Variants in AKAP6 observed in about 807,000 individuals in gnomAD.
AKAP6 encodes the protein A-kinase anchoring protein 6.
A neutral mutation model predicts 188.5 loss-of-function variants in AKAP6; 58 were observed. The ratio of observed to expected loss-of-function variants is 0.31; its 90% CI spans 0.25 to 0.38. AKAP6 has a LOEUF of 0.38. Among genes scored for constraint, AKAP6 ranks in the 10% least tolerant of loss-of-function variants. The pLI, the probability that AKAP6 is intolerant of heterozygous loss-of-function variation, is 1.00. For synonymous variants in AKAP6, 989 were observed against 998.6 expected, an observed-to-expected ratio of 0.99 and a Z score of 0.18; for missense variants, 2,710 against 2,740.0, an observed-to-expected ratio of 0.99 and a Z score of 0.24.
At position 32,527,639 on chromosome 14, in the gene AKAP6, GTAATGGTATCTCATTGTTT is replaced by G. The variant is rs1306514245; in HGVS notation, c.325-7891_325-7873del. On this transcript the variant is annotated intron_variant, in intron 2 of 13. Coordinates refer to ENST00000280979, the MANE Select transcript of AKAP6 (RefSeq NM_004274.5). Reference sequence around the variant, plus strand: ...GAATTTTGGCCATTCTAATGATTATGTAATGGTATCTCATTGTTTTAATGGTATCTCATTGTTTTAATTT... The same window carrying G: ...GAATTTTGGCCATTCTAATGATTATGTAATGGTATCTCATTGTTTTAATTT... Among the ~76,000 whole-genome samples, 5 of 152,284 alleles carry G rather than the reference GTAATGGTATCTCATTGTTT, an allele frequency of 3.3e-5. No individual in the cohort carries two copies. In the East Asian group the frequency reaches 5.8e-4, roughly 18 times the overall value.
Position 32,822,764 on chromosome 14 carries a change from A to G in AKAP6, c.4951A>G (p.Lys1651Glu). 6.2e-7 allele frequency: 1 copy of G among 1,613,924 alleles called. No individual in the cohort carries two copies. Among genetic ancestry groups the G allele is most frequent in the Non-Finnish European group, 8.5e-7 (1 of 1,179,908 alleles). ...NIQSPSEQKI[K>E]RSVSDITLQS... The stretch of plus-strand genomic sequence containing the variant: ...CCAGAGCCCCTCAGAGCAAAAGATA[A>G]AACGAAGTGTTTCTGATATCACTCT... Residue 1651 changes from lysine to glutamate, a missense_variant, in exon 13 of 14, where the codon AAA becomes GAA. Transcript: ENST00000280979.
rs147003501 is a variant in AKAP6 at position 32,513,762 on chromosome 14, C to T, written c.325-21792C>T. ...AGTACAATAAAAATCATTTGTAATG[C>T]TGCCACCTAGAGAAAATACTATGAA... On this transcript the variant is annotated intron_variant, in intron 2 of 13. Coordinates refer to ENST00000280979, the MANE Select transcript of AKAP6 (RefSeq NM_004274.5). Among the ~76,000 whole-genome samples, 10 of 152,174 alleles carry T rather than the reference C, an allele frequency of 6.6e-5. 1 individual carries two copies. In the East Asian group the frequency reaches 1.9e-3, roughly 29 times the overall value.
intron 11 of AKAP6, among the ~76,000 whole-genome samples, chr14:32,770,049 A>G (rs1318452679): frequency 6.6e-6 from 1 of 152,204 alleles, no homozygotes; most frequent in Non-Finnish European, 1.5e-5. Flanking sequence ...TTTGCTCAAT[A>G]ATATGATTGG....
At chr14:32,806,515 A>G (rs962967579) in intron 12 of AKAP6, among the ~76,000 whole-genome samples, 2 of 152,098 alleles carry the variant, frequency 1.3e-5, no homozygotes, top group African/African-American at 4.8e-5. Context: ...CTTCTCTACT[A>G]AAAATACAAA....
chr14:32,428,505 C>T (rs532949289), intron 1 of AKAP6, among the ~76,000 whole-genome samples: 3 of 151,972 alleles, frequency 2.0e-5, no homozygotes, highest in Non-Finnish European at 2.9e-5. Context: ...AGAGAAACAC[C>T]GGGGAGAGGA....
intron 2 of AKAP6, among the ~76,000 whole-genome samples, chr14:32,521,925 C>A (rs1881857433): frequency 9.2e-5 from 14 of 152,192 alleles, no homozygotes; most frequent in Admixed American, 9.2e-4. Context: ...ATCATGCTAC[C>A]TGACTTCAAA....
At chr14:32,427,183 C>T (rs1890063190) in intron 1 of AKAP6, among the ~76,000 whole-genome samples, 1 of 152,262 alleles carries the variant, frequency 6.6e-6, no homozygotes, top group South Asian at 2.1e-4. Flanking sequence ...CTGACATCCA[C>T]TTGTAGGCTG....
intron 12 of AKAP6, among the ~76,000 whole-genome samples, chr14:32,813,393 C>CG (rs1023271104): frequency 8.7e-6 from 1 of 114,648 alleles, no homozygotes; most frequent in South Asian, 4.3e-4. Flanking sequence ...AACCCTACCC[C>CG]CCCCCCCAAC....
chr14:32,408,181 A>G (rs1889360115), intron 1 of AKAP6, among the ~76,000 whole-genome samples: 1 of 152,194 alleles, frequency 6.6e-6, no homozygotes, highest in Admixed American at 6.5e-5. Flanking sequence ...TGGTTGAACA[A>G]GAACTCCTCC....
intron 2 of AKAP6, among the ~76,000 whole-genome samples, chr14:32,454,673 CTCCTTCCCTCCT>C (rs2138792739): frequency 2.7e-4 from 12 of 44,632 alleles, no homozygotes; most frequent in African/African-American, 1.3e-3. Flanking sequence ...CCCTCCTTCC[CTCCTTCCCTCCT>C]TCCCTCCCTC....
intron 1 of AKAP6, among the ~76,000 whole-genome samples, chr14:32,419,496 C>A (rs1889767304): frequency 1.3e-5 from 2 of 152,174 alleles, no homozygotes; most frequent in South Asian, 4.1e-4. Context: ...ACAGCAAAAA[C>A]AAATGTAATA....
intron 7 of AKAP6, among the ~76,000 whole-genome samples, chr14:32,603,865 G>T (rs1886030619): frequency 1.3e-5 from 2 of 151,942 alleles, no homozygotes; most frequent in Admixed American, 6.6e-5. Context: ...ATATATTTTT[G>T]AGTATCTTTG....
At chr14:32,771,720 CT>C (rs1352625975) in intron 11 of AKAP6, among the ~76,000 whole-genome samples, 4 of 152,128 alleles carry the variant, frequency 2.6e-5, no homozygotes, top group African/African-American at 9.7e-5. Context: ...AACTTTGGGA[CT>C]TTTTGTTGGC....
intron 1 of AKAP6, among the ~76,000 whole-genome samples, chr14:32,413,174 AATTTTTTT>A (rs1889544687): frequency 7.6e-6 from 1 of 131,168 alleles, no homozygotes; most frequent in Non-Finnish European, 1.6e-5. Flanking sequence ...TATTTATTGA[AATTTTTTT>A]TTTTTTTTTT....
rs1300192952 is a variant in AKAP6, at chr14:32,603,632, T to C, written c.2730+2840T>C. Among the ~76,000 whole-genome samples, 4 of 152,194 alleles carry C rather than the reference T, an allele frequency of 2.6e-5. No homozygotes were observed. The East Asian group carries it at 7.7e-4, about 29-fold the overall frequency. ...ATAGGCACCAAGAAGACCCTTTTCC[T>C]GCAGGGACTACATGATCCTCACCCA... On this transcript the variant is annotated intron_variant, in intron 7 of 13. Transcript: ENST00000280979.
intron 4 of AKAP6, 26 bp downstream of exon 4, chr14:32,547,025 G>T: frequency 1.3e-6 from 2 of 1,560,552 alleles, no homozygotes; most frequent in South Asian, 2.4e-5. Flanking sequence ...TAACATGAAT[G>T]ATTTCTCACT....
chr14:32,409,955 C>G (rs1338696174), intron 1 of AKAP6, among the ~76,000 whole-genome samples: 1 of 152,120 alleles, frequency 6.6e-6, no homozygotes. Context: ...AAAGTCTCAT[C>G]AGAGGGGTTT....
intron 12 of AKAP6, among the ~76,000 whole-genome samples, chr14:32,803,470 A>G (rs963328784): frequency 6.6e-6 from 1 of 152,202 alleles, no homozygotes; most frequent in Non-Finnish European, 1.5e-5. Flanking sequence ...ACAGAATTGT[A>G]AAATGCATCG....
Position 32,546,758 on chromosome 14 carries a change from G to GTGACAT in AKAP6, c.2106_2111dup (p.Asp703_Ile704dup). On this transcript the variant is annotated inframe_insertion, in exon 4 of 14. Transcript: ENST00000280979. ...GGCAGGGTGTCTCCAAGCTCATCTA[G>GTGACAT]TGACATAGCCTCTTCACTAGGGGAG... 1 of 1,614,102 alleles carries GTGACAT rather than the reference G, an allele frequency of 6.2e-7. No homozygotes were observed. Among genetic ancestry groups the GTGACAT allele is most frequent in the South Asian group, 1.1e-5 (1 of 91,064 alleles).
Sources: allele counts gnomAD v4.1 joint callset (sites outside exome capture counted in the v4.1 genomes callset), GRCh38; gene constraint gnomAD v4.1.1; transcripts MANE v1.5; gene names NCBI Gene and HGNC (gene_info 2026-07-23, HGNC 2026-07-21).